Variants in PDLIM5 observed in about 807,000 individuals in gnomAD.
PDLIM5 encodes PDZ and LIM domain protein 5.
PDLIM5 carries 34 observed loss-of-function variants against 64.2 expected under a neutral mutation model. The observed-to-expected ratio is 0.53, with a 90% confidence interval of 0.40 to 0.71. PDLIM5 has a LOEUF of 0.71. Ranked by LOEUF, PDLIM5 falls within the 30% of genes least tolerant of loss-of-function variation. The pLI, the probability that PDLIM5 is intolerant of heterozygous loss-of-function variation, is 0.00. For missense variants in PDLIM5, 683 were observed against 733.6 expected (o/e 0.93, Z 0.80); for synonymous variants, 253 against 269.1 (o/e 0.94, Z 0.59).
At chr4:94,550,721 A>G (rs544373215) in intron 3 of PDLIM5, among the ~76,000 whole-genome samples, 46 of 152,258 alleles carry the variant, frequency 3.0e-4, no homozygotes, top group African/African-American at 1.0e-3. Flanking sequence ...GTAATTATCC[A>G]TACTTGAGGA....
rs1738030346 is a variant in PDLIM5 at position 94,607,593 on chromosome 4, G to A, written c.921-10411G>A. On this transcript the variant is annotated intron_variant, in intron 7 of 12. Coordinates refer to ENST00000317968, the MANE Select transcript of PDLIM5 (RefSeq NM_006457.5). ...AGAACATTCTGACGTGAAACTTTTG[G>A]TTGCTTTCTTGTAGGACACTTTTAG... is the stretch of plus-strand genomic sequence containing the variant. 2.6e-5 allele frequency among the ~76,000 whole-genome samples: 4 copies of A among 152,088 alleles called. No homozygotes were observed. In the South Asian group the frequency reaches 8.3e-4, roughly 31 times the overall value.
At chr4:94,550,373 A>G (rs957686855) in intron 3 of PDLIM5, among the ~76,000 whole-genome samples, 3 of 152,202 alleles carry the variant, frequency 2.0e-5, no homozygotes, top group Non-Finnish European at 4.4e-5. Context: ...GAGTAAGTGA[A>G]TAACAGAAAA....
rs1742818704 is a variant in PDLIM5 at position 94,662,551 on chromosome 4, TATTTCCTAATTAAAGGG to T, written c.1701+15_1701+31del. The T allele has an allele frequency of 1.6e-6, 2 of 1,280,470 alleles. No homozygotes were observed. Among genetic ancestry groups the T allele is most frequent in the Non-Finnish European group, 2.3e-6 (2 of 875,814 alleles). 79.3% of individuals were successfully genotyped at this position (1,280,470 alleles called of 1,614,324 possible). A position where few individuals can be genotyped will look rare whatever the true frequency, so the allele number is the denominator to read the frequency against. ...TTTGTATGCTCAGTAAGTAGAGTCT[TATTTCCTAATTAAAGGG>T]GTATAGTATGGCCAATTCTAGCTTT... On this transcript the variant is annotated intron_variant, in intron 12 of 12. Transcript: ENST00000317968.
chr4:94,638,640 G>A (rs1007597913), intron 8 of PDLIM5, among the ~76,000 whole-genome samples: 7 of 152,084 alleles, frequency 4.6e-5, no homozygotes, highest in Non-Finnish European at 1.5e-5. Flanking sequence ...ACATTTATCT[G>A]TATACACTCT....
rs976300301 is a variant in PDLIM5 at position 94,666,943 on chromosome 4, A to G, written c.*2876A>G. The G allele has an allele frequency of 5.9e-5, 9 of 152,206 alleles. No individual in the cohort carries two copies. Among genetic ancestry groups the G allele is most frequent in the Non-Finnish European group, 1.3e-4 (9 of 68,048 alleles). 9.4% of individuals were successfully genotyped at this position (152,206 alleles called of 1,614,324 possible). On this transcript the variant is annotated 3_prime_UTR_variant, in exon 13 of 13. Transcript: ENST00000317968. ...CTCTCTGTTTCCCTTGGGGAATGCC[A>G]TATTTAATTCACCAGCAGTAATCCT...
intron 7 of PDLIM5, among the ~76,000 whole-genome samples, chr4:94,599,309 G>T (rs1737304937): frequency 6.6e-6 from 1 of 152,096 alleles, no homozygotes; most frequent in African/African-American, 2.4e-5. Context: ...GAGCTGATAG[G>T]TGTATAGAAA....
chr4:94,641,123 G>A (rs1278573695), intron 9 of PDLIM5, among the ~76,000 whole-genome samples: 1 of 152,230 alleles, frequency 6.6e-6, no homozygotes, highest in Non-Finnish European at 1.5e-5. Context: ...GTAGGCACCA[G>A]TGCTGATTGC....
chr4:94,510,115 A>G (rs578181438), intron 2 of PDLIM5, among the ~76,000 whole-genome samples: 10 of 152,312 alleles, frequency 6.6e-5, no homozygotes, highest in Non-Finnish European at 8.8e-5. Flanking sequence ...AGGGGGCTCA[A>G]CTGTTACCAG....
chr4:94,664,131 T>G lies in PDLIM5; in HGVS notation c.*64T>G. The G allele has an allele frequency of 6.6e-6, 9 of 1,373,826 alleles. No individual in the cohort carries two copies. Among genetic ancestry groups the G allele is most frequent in the Non-Finnish European group, 8.8e-6 (9 of 1,024,286 alleles). 85.1% of individuals were successfully genotyped at this position (1,373,826 alleles called of 1,614,324 possible). A position where few individuals can be genotyped will look rare whatever the true frequency, so the allele number is the denominator to read the frequency against. ...AAAAAGGAAAATTAAAATTACTAAT[T>G]AATTTTTAGATTCAATATTTATATG... On this transcript the variant is annotated 3_prime_UTR_variant, in exon 13 of 13. Coordinates refer to ENST00000317968, the MANE Select transcript of PDLIM5 (RefSeq NM_006457.5).
chr4:94,579,667 A>G, intron 5 of PDLIM5: 1 of 445,212 alleles, frequency 2.2e-6, no homozygotes, highest in Non-Finnish European at 4.1e-6. Context: ...CACATTTAGT[A>G]TTTTCAGTAA....
chr4:94,560,569 G>A (rs1233049723), intron 3 of PDLIM5, among the ~76,000 whole-genome samples: 1 of 152,122 alleles, frequency 6.6e-6, no homozygotes, highest in Non-Finnish European at 1.5e-5. Context: ...TTACAGGCAA[G>A]GAAACTGAGA....
At chr4:94,565,058 A>G (rs561926192) in intron 3 of PDLIM5, among the ~76,000 whole-genome samples, 1 of 152,318 alleles carries the variant, frequency 6.6e-6, no homozygotes, top group South Asian at 2.1e-4. Flanking sequence ...TTAATGAAAT[A>G]AATTGTTTTA....
At chr4:94,468,963 C>T (rs1449919720) in intron 2 of PDLIM5, among the ~76,000 whole-genome samples, 1 of 152,122 alleles carries the variant, frequency 6.6e-6, no homozygotes. Context: ...GGAGATTGGA[C>T]ATAGGAGAGG....
chr4:94,494,970 G>A (rs957072879), intron 2 of PDLIM5, among the ~76,000 whole-genome samples: 3 of 151,464 alleles, frequency 2.0e-5, no homozygotes, highest in African/African-American at 4.9e-5. Context: ...GGCTGGTCTT[G>A]AACTCCTGAG....
chr4:94,548,794 T>C (rs1038412200), intron 3 of PDLIM5, among the ~76,000 whole-genome samples: 1 of 152,182 alleles, frequency 6.6e-6, no homozygotes, highest in Admixed American at 6.6e-5. Flanking sequence ...CCACTTCTGC[T>C]ATGTAGTTAC....
At chr4:94,503,591 T>G (rs1728122331) in intron 2 of PDLIM5, among the ~76,000 whole-genome samples, 1 of 152,204 alleles carries the variant, frequency 6.6e-6, no homozygotes, top group African/African-American at 2.4e-5. Flanking sequence ...TCCTCCGATG[T>G]GCCTGTCACT....
chr4:94,476,602 A>G (rs1283284499), intron 2 of PDLIM5, among the ~76,000 whole-genome samples: 2 of 152,334 alleles, frequency 1.3e-5, no homozygotes, highest in Middle Eastern at 3.4e-3. Flanking sequence ...ATCTTCCTCC[A>G]TCATGAGTAT....
intron 9 of PDLIM5, among the ~76,000 whole-genome samples, chr4:94,652,448 C>T (rs1241766550): frequency 6.6e-6 from 1 of 152,188 alleles, no homozygotes; most frequent in African/African-American, 2.4e-5. Context: ...GGCGGAAAAA[C>T]ACAGGGCACT....
At chr4:94,532,931 AG>A (rs1231279705) in intron 3 of PDLIM5, among the ~76,000 whole-genome samples, 3 of 152,156 alleles carry the variant, frequency 2.0e-5, no homozygotes, top group African/African-American at 7.2e-5. Context: ...TGAGCCCGGG[AG>A]GCAGAGGTTG....
Sources: gnomAD v4.1 joint callset for allele counts (sites outside exome capture counted in the v4.1 genomes callset) on GRCh38, gnomAD v4.1.1 for gene constraint, MANE v1.5 for transcripts, NCBI Gene and HGNC (gene_info 2026-07-23, HGNC 2026-07-21) for gene names.